The following PDE4D variants were observed in gnomAD, a reference collection of about 807,000 sequenced individuals.
PDE4D encodes 3',5'-cyclic-AMP phosphodiesterase 4D.
PDE4D carries 24 observed loss-of-function variants against 87.4 expected under a neutral mutation model. That is an observed-to-expected ratio of 0.27 (90% CI 0.20 to 0.39). The LOEUF is 0.39. Among genes scored for constraint, PDE4D ranks in the 10% least tolerant of loss-of-function variants. The pLI, the probability that PDE4D is intolerant of heterozygous loss-of-function variation, is 1.00. For synonymous variants in PDE4D, 384 were observed against 383.2 expected (o/e 1.00, Z -0.02); for missense variants, 714 against 1,041.0 (o/e 0.69, Z 4.32).
At chr5:59,741,821 C>T (rs1218382696) in intron 1 of PDE4D, among the ~76,000 whole-genome samples, 2 of 152,076 alleles carry the variant, frequency 1.3e-5, no homozygotes, top group African/African-American at 2.4e-5. Flanking sequence ...ATTTTTCTAA[C>T]TGTATGTCAT....
chr5:59,243,804 T>A (rs1337361302), intron 1 of PDE4D, among the ~76,000 whole-genome samples: 53 of 152,088 alleles, frequency 3.5e-4, no homozygotes, highest in Non-Finnish European at 4.4e-5. Context: ...TATCTGGAAG[T>A]ATATTTAGTA....
At chr5:60,261,114 G>C (rs1583240309) in intron 1 of PDE4D, among the ~76,000 whole-genome samples, 1 of 152,108 alleles carries the variant, frequency 6.6e-6, no homozygotes, top group East Asian at 1.9e-4. Flanking sequence ...TTCTTTGCTA[G>C]AGATATTTAT....
chr5:59,314,672 A>G (rs1773347326), intron 1 of PDE4D: 1 of 152,178 alleles, frequency 6.6e-6, no homozygotes. Flanking sequence ...ATCTGTGACC[A>G]CGCTAAGTGG....
At chr5:59,534,934 A>C (rs1045387992) in intron 1 of PDE4D, among the ~76,000 whole-genome samples, 1 of 152,124 alleles carries the variant, frequency 6.6e-6, no homozygotes, top group African/African-American at 2.4e-5. Context: ...TGAAGGAAAA[A>C]ATAGGAAACA....
At chr5:59,369,816 G>T (rs187101410) in intron 1 of PDE4D, among the ~76,000 whole-genome samples, 264 of 152,252 alleles carry the variant, frequency 1.7e-3, no homozygotes, top group African/African-American at 4.9e-3. Flanking sequence ...TCTATAGTGG[G>T]TGGAGGGAAA....
chr5:59,801,061 T>C (rs991458200), intron 1 of PDE4D, among the ~76,000 whole-genome samples: 3 of 152,196 alleles, frequency 2.0e-5, no homozygotes, highest in African/African-American at 4.8e-5. Flanking sequence ...GGTTGAATAA[T>C]TGTGGGAATT....
chr5:60,513,798 A>G (rs960541264), intron 1 of PDE4D, among the ~76,000 whole-genome samples: 1 of 151,980 alleles, frequency 6.6e-6, no homozygotes, highest in East Asian at 1.9e-4. Context: ...ATCCTACAGT[A>G]GAAAATTTGT....
chr5:60,322,367 TACACACACACACACACACACACAC>T (rs60232413), intron 1 of PDE4D, among the ~76,000 whole-genome samples: 20 of 132,810 alleles, frequency 1.5e-4, no homozygotes, highest in Middle Eastern at 3.8e-3. Context: ...TGGACACACA[TACACACACACACACACACACACAC>T]ACACACACAC....
At chr5:59,097,319 G>A (rs575896037) in intron 5 of PDE4D, among the ~76,000 whole-genome samples, 35 of 152,234 alleles carry the variant, frequency 2.3e-4, no homozygotes, top group East Asian at 7.7e-4. Flanking sequence ...CCACAGCAAC[G>A]TTTGTCTTCC....
chr5:59,036,871 A>G (rs769259559), intron 6 of PDE4D, among the ~76,000 whole-genome samples: 4 of 152,176 alleles, frequency 2.6e-5, no homozygotes, highest in Non-Finnish European at 5.9e-5. Context: ...AGACATAAAC[A>G]TTGCTAGAAT....
intron 1 of PDE4D, chr5:60,304,255 GA>G (rs5868234): frequency 0.41 from 62,145 of 151,214 alleles, 14,888 homozygotes; most frequent in African/African-American, 0.67. Flanking sequence ...GCGTATTTAA[GA>G]AAAAAAAAGT....
chr5:59,541,390 C>T (rs1816324443), intron 1 of PDE4D, among the ~76,000 whole-genome samples: 1 of 152,156 alleles, frequency 6.6e-6, no homozygotes, highest in Admixed American at 6.5e-5. Flanking sequence ...TAGAATATAA[C>T]AACCTCTAAC....
chr5:60,207,045 T>C (rs1742619322), intron 1 of PDE4D, among the ~76,000 whole-genome samples: 1 of 152,160 alleles, frequency 6.6e-6, no homozygotes, highest in Non-Finnish European at 1.5e-5. Flanking sequence ...AATTTACAGG[T>C]GGATCTTACA....
chr5:60,012,109 T>C (rs1049292721), intron 2 of PDE4D, among the ~76,000 whole-genome samples: 1 of 152,036 alleles, frequency 6.6e-6, no homozygotes, highest in African/African-American at 2.4e-5. Context: ...GCTATAAAAA[T>C]GAACAATAAT....
chr5:59,940,470 C>T (rs543142018), intron 3 of PDE4D, among the ~76,000 whole-genome samples: 6 of 152,004 alleles, frequency 3.9e-5, no homozygotes, highest in East Asian at 1.9e-4. Context: ...AGGACACAAA[C>T]GAAAGGTATT....
chr5:59,221,537 C>A (rs984950362), intron 1 of PDE4D, among the ~76,000 whole-genome samples: 1 of 151,982 alleles, frequency 6.6e-6, no homozygotes, highest in Non-Finnish European at 1.5e-5. Context: ...GAGGTGGAGG[C>A]AGGAGGATCA....
At chr5:60,075,881 T>A (rs746040733) in intron 2 of PDE4D, among the ~76,000 whole-genome samples, 2 of 152,204 alleles carry the variant, frequency 1.3e-5, no homozygotes, top group Non-Finnish European at 2.9e-5. Flanking sequence ...CTCTTTTCTA[T>A]ACTGAGTGTT....
intron 5 of PDE4D, among the ~76,000 whole-genome samples, chr5:59,140,023 A>T (rs1219055554): frequency 1.3e-5 from 2 of 152,222 alleles, no homozygotes; most frequent in East Asian, 3.8e-4. Flanking sequence ...ACTAAAGATG[A>T]TGGATTCCAG....
chr5:59,597,446 C>T (rs1052524219), intron 1 of PDE4D, among the ~76,000 whole-genome samples: 23 of 152,010 alleles, frequency 1.5e-4, no homozygotes, highest in African/African-American at 2.9e-4. Context: ...ATACTAGCTT[C>T]TCATTTTCTC....
Sources: allele counts gnomAD v4.1 joint callset (sites outside exome capture counted in the v4.1 genomes callset), GRCh38; gene constraint gnomAD v4.1.1; transcripts MANE v1.5; gene names NCBI Gene and HGNC (gene_info 2026-07-23, HGNC 2026-07-21).